The following ERC2 variants were observed in gnomAD, a reference collection of about 807,000 sequenced individuals.
The protein encoded by ERC2 is ERC protein 2.
In ERC2, 42 loss-of-function variants were observed where a neutral mutation model predicts 114.8. The observed-to-expected ratio is 0.37, with a 90% CI of 0.29 to 0.47. The LOEUF (loss-of-function observed/expected upper bound fraction) is 0.47. Ranked by LOEUF, ERC2 falls within the 20% of genes least tolerant of loss-of-function variation. The pLI is 0.99. For missense variants in ERC2, 939 were observed against 1,150.7 expected (o/e 0.82, Z 2.66); for synonymous variants, 454 against 425.5 (o/e 1.07, Z -0.82).
At chr3:56,189,782 C>T (rs1230192481) in intron 3 of ERC2, among the ~76,000 whole-genome samples, 2 of 152,162 alleles carry the variant, frequency 1.3e-5, no homozygotes, top group Non-Finnish European at 2.9e-5. Context: ...AGATGGTGAA[C>T]ACAACCCGCT....
At chr3:55,834,415 A>G (rs911887738) in intron 14 of ERC2, among the ~76,000 whole-genome samples, 8 of 152,238 alleles carry the variant, frequency 5.3e-5, no homozygotes, top group Non-Finnish European at 7.3e-5. Context: ...ATGGTCTCTC[A>G]GACCACAGTG....
chr3:56,324,856 T>C (rs971140924), intron 2 of ERC2, among the ~76,000 whole-genome samples: 5 of 152,056 alleles, frequency 3.3e-5, no homozygotes, highest in African/African-American at 1.2e-4. Context: ...TCTTCCATCA[T>C]GCCAAGGACA....
intron 17 of ERC2, among the ~76,000 whole-genome samples, chr3:55,557,319 C>T (rs1200449719): frequency 1.3e-5 from 2 of 152,202 alleles, no homozygotes; most frequent in Non-Finnish European, 2.9e-5. Flanking sequence ...GACAGACAAG[C>T]ACCAGGGGAA....
At chr3:55,700,202 G>A (rs2063147754) in intron 15 of ERC2, among the ~76,000 whole-genome samples, 1 of 152,194 alleles carries the variant, frequency 6.6e-6, no homozygotes, top group Non-Finnish European at 1.5e-5. Context: ...AACCCCCAAT[G>A]CAATAGAAGT....
At chr3:56,257,833 T>A (rs2052620978) in intron 3 of ERC2, among the ~76,000 whole-genome samples, 1 of 152,236 alleles carries the variant, frequency 6.6e-6, no homozygotes, top group Non-Finnish European at 1.5e-5. Flanking sequence ...TACAGAGGTT[T>A]ATCCTGGCTT....
intron 12 of ERC2, chr3:55,955,240 T>G (rs1411128751): frequency 4.2e-6 from 2 of 470,982 alleles, no homozygotes; most frequent in East Asian, 6.2e-5. Context: ...TACTGTATGG[T>G]GGTGTGTTTG....
At chr3:55,952,160 C>T (rs11923362) in intron 12 of ERC2, among the ~76,000 whole-genome samples, 8 of 72,662 alleles carry the variant, frequency 1.1e-4, no homozygotes, top group South Asian at 5.5e-4. Flanking sequence ...CACACACACA[C>T]ACACACACAC....
At chr3:56,446,290 C>T (rs916949262) in intron 1 of ERC2, among the ~76,000 whole-genome samples, 4 of 152,144 alleles carry the variant, frequency 2.6e-5, no homozygotes, top group Non-Finnish European at 5.9e-5. Context: ...GATAGAAGTC[C>T]AGGCTGGTGA....
In ERC2 at chr3:55,699,428, G is replaced by T. The variant is rs759049063; in HGVS notation, c.2797C>A (p.Arg933=). The part of the protein sequence containing the change: ...YHHHHHHHHH[R]SPGRSQHSNH... ...GAATGTTGCGACCTCCCAGGAGATC[G>T]ATGGTGGTGGTGATGGTGGTGGTGG... Residue 933 remains arginine, a synonymous_variant, in exon 16 of 18, where the codon CGA becomes AGA. Coordinates refer to ENST00000288221, the MANE Select transcript of ERC2 (RefSeq NM_015576.3). The T allele has an allele frequency of 2.5e-6, 4 of 1,613,834 alleles. No homozygotes were observed. The highest frequency in any genetic ancestry group is 2.7e-5 in the African/African-American group (2 of 75,006).
At chr3:56,415,946 T>C (rs1473214186) in intron 2 of ERC2, among the ~76,000 whole-genome samples, 1 of 152,216 alleles carries the variant, frequency 6.6e-6, no homozygotes, top group African/African-American at 2.4e-5. Context: ...CATAACAGCA[T>C]TGACTTTCTT....
At chr3:55,829,237 C>T (rs1015115240) in intron 14 of ERC2, among the ~76,000 whole-genome samples, 12 of 152,108 alleles carry the variant, frequency 7.9e-5, no homozygotes, top group African/African-American at 2.9e-4. Context: ...CAGATATTGA[C>T]AATATCAGAC....
At chr3:55,585,396 A>G (rs2057547250) in intron 17 of ERC2, among the ~76,000 whole-genome samples, 1 of 151,644 alleles carries the variant, frequency 6.6e-6, no homozygotes. Flanking sequence ...GCTGAACTGG[A>G]GCTTCATTCA....
At chr3:56,408,659 T>C (rs1020578935) in intron 2 of ERC2, among the ~76,000 whole-genome samples, 4 of 152,198 alleles carry the variant, frequency 2.6e-5, no homozygotes, top group Non-Finnish European at 4.4e-5. Context: ...TATCTATTAT[T>C]AGACAGACAA....
At chr3:55,759,050 A>T (rs1317358833) in intron 14 of ERC2, among the ~76,000 whole-genome samples, 1 of 152,160 alleles carries the variant, frequency 6.6e-6, no homozygotes, top group Non-Finnish European at 1.5e-5. Context: ...TTAATTTGGA[A>T]TAAATTTTTA....
At chr3:55,583,852 C>T (rs1378324239) in intron 17 of ERC2, among the ~76,000 whole-genome samples, 2 of 146,250 alleles carry the variant, frequency 1.4e-5, no homozygotes, top group African/African-American at 2.5e-5. Context: ...TAGAAAGTAC[C>T]TTTGCCAGCA....
In ERC2 at chr3:56,392,513, C is replaced by A. The variant is rs1413279082; in HGVS notation, c.657+41838G>T. On this transcript the variant is annotated intron_variant, in intron 2 of 17. Coordinates refer to ENST00000288221, the MANE Select transcript of ERC2 (RefSeq NM_015576.3). Reference sequence around the variant, plus strand: ...AAAAAGATTCACATTGACTCCCACACTGAGATGCATTTTGTCTAAAGGTAC... The same window carrying A: ...AAAAAGATTCACATTGACTCCCACAATGAGATGCATTTTGTCTAAAGGTAC... Among the ~76,000 whole-genome samples, 6 of 152,268 alleles carry A rather than the reference C, an allele frequency of 3.9e-5. No individual in the cohort carries two copies. In the South Asian group the frequency reaches 1.0e-3, roughly 26 times the overall value.
chr3:56,041,536 G>T (rs1185034679), intron 7 of ERC2, among the ~76,000 whole-genome samples: 1 of 152,158 alleles, frequency 6.6e-6, no homozygotes, highest in Non-Finnish European at 1.5e-5. Context: ...GGCTTCTCCT[G>T]TTCCACTCCT....
chr3:55,632,121 T>A (rs2148629354), intron 17 of ERC2, among the ~76,000 whole-genome samples: 1 of 152,318 alleles, frequency 6.6e-6, no homozygotes, highest in Non-Finnish European at 1.5e-5. Context: ...GAACTCCCAC[T>A]GGGCAGATGA....
chr3:56,462,729 G>A (rs1429562432), intron 1 of ERC2, among the ~76,000 whole-genome samples: 1 of 152,300 alleles, frequency 6.6e-6, no homozygotes, highest in Middle Eastern at 3.4e-3. Context: ...ATAGGTGATA[G>A]CACCTACTTT....
Sources: allele counts gnomAD v4.1 joint callset (sites outside exome capture counted in the v4.1 genomes callset), GRCh38; gene constraint gnomAD v4.1.1; transcripts MANE v1.5; gene names NCBI Gene and HGNC (gene_info 2026-07-23, HGNC 2026-07-21).